FRMD3: variants seen among roughly 807,000 people sequenced by gnomAD.
FRMD3 encodes the protein FERM domain-containing protein 3.
FRMD3 carries 33 observed loss-of-function variants against 70.2 expected under a neutral mutation model. That is an observed-to-expected ratio of 0.47 (90% CI 0.36 to 0.63). FRMD3 has a LOEUF of 0.63. Ranked by LOEUF, FRMD3 falls within the 20% of genes least tolerant of loss-of-function variation. The probability of loss-of-function intolerance (pLI) is 0.00; values close to 1 mark genes in which losing one functional copy is unlikely to be tolerated. For missense variants in FRMD3, 632 were observed against 711.4 expected (o/e 0.89, Z 1.27); for synonymous variants, 279 against 255.9 (o/e 1.09, Z -0.86).
intron 1 of FRMD3, among the ~76,000 whole-genome samples, chr9:83,482,879 C>T (rs1828601756): frequency 6.6e-6 from 1 of 152,206 alleles, no homozygotes; most frequent in South Asian, 2.1e-4. Context: ...CTACACTCTC[C>T]CCCAGGAGCC....
At chr9:83,374,981 AAT>A (rs1825096351) in intron 2 of FRMD3, among the ~76,000 whole-genome samples, 1 of 152,176 alleles carries the variant, frequency 6.6e-6, no homozygotes, top group African/African-American at 2.4e-5. Flanking sequence ...CTGAAATATA[AAT>A]ATGTTTTCCA....
At chr9:83,522,988 G>A (rs1179572659) in intron 1 of FRMD3, among the ~76,000 whole-genome samples, 1 of 152,138 alleles carries the variant, frequency 6.6e-6, no homozygotes, top group Non-Finnish European at 1.5e-5. Context: ...TAACATCCTA[G>A]TATTTTTCTA....
intron 2 of FRMD3, among the ~76,000 whole-genome samples, chr9:83,378,730 T>C (rs1043449140): frequency 1.6e-5 from 2 of 122,466 alleles, no homozygotes; most frequent in Admixed American, 9.5e-5. Context: ...ATATATAATA[T>C]ATATACTTTA....
At chr9:83,441,696 A>G (rs1221885017) in intron 1 of FRMD3, among the ~76,000 whole-genome samples, 1 of 152,190 alleles carries the variant, frequency 6.6e-6, no homozygotes, top group African/African-American at 2.4e-5. Context: ...AGCACCCCCA[A>G]GCATGAAATT....
chr9:83,570,584 C>T, the FRMD3 span, among the ~76,000 whole-genome samples: 2 of 152,038 alleles, frequency 1.3e-5, no homozygotes, highest in South Asian at 2.1e-4. Flanking sequence ...GACTGGAGAC[C>T]GAAAGTAGCA....
At chr9:83,349,163 G>A (rs902638439) in intron 4 of FRMD3, among the ~76,000 whole-genome samples, 1 of 152,190 alleles carries the variant, frequency 6.6e-6, no homozygotes, top group Non-Finnish European at 1.5e-5. Flanking sequence ...AACAGAGGGA[G>A]GTGAGAAGGG....
At chr9:83,308,139 G>A (rs1444325762) in intron 10 of FRMD3, among the ~76,000 whole-genome samples, 3 of 152,106 alleles carry the variant, frequency 2.0e-5, no homozygotes, top group African/African-American at 7.2e-5. Flanking sequence ...GTTTTCCCAG[G>A]GCTGATGGGT....
chr9:83,524,050 CCTGACATGGCAGTG>C (rs1432830590), intron 1 of FRMD3, among the ~76,000 whole-genome samples: 10 of 152,208 alleles, frequency 6.6e-5, no homozygotes, highest in African/African-American at 2.4e-5. Context: ...ACAGAGAGAG[CCTGACATGGCAGTG>C]GCTAGTGCCT....
At chr9:83,484,385 T>C (rs1261225328) in intron 1 of FRMD3, among the ~76,000 whole-genome samples, 2 of 152,194 alleles carry the variant, frequency 1.3e-5, no homozygotes, top group Admixed American at 6.5e-5. Context: ...GAGTCCTACA[T>C]AGACATGGGT....
chr9:83,444,084 A>T (rs963352506), intron 1 of FRMD3, among the ~76,000 whole-genome samples: 1 of 152,260 alleles, frequency 6.6e-6, no homozygotes, highest in African/African-American at 2.4e-5. Context: ...TCTACTTCAC[A>T]CTTAGTGCTG....
chr9:83,311,663 AG>A (rs1308233750), intron 8 of FRMD3, among the ~76,000 whole-genome samples: 2 of 152,136 alleles, frequency 1.3e-5, no homozygotes, highest in African/African-American at 4.8e-5. Context: ...TTCTCTTTGA[AG>A]GCAGAGCCCC....
At chr9:83,404,095 C>T (rs929386124) in intron 1 of FRMD3, among the ~76,000 whole-genome samples, 2 of 151,340 alleles carry the variant, frequency 1.3e-5, no homozygotes, top group African/African-American at 2.4e-5. Context: ...CACACACAAG[C>T]AGGCACGCAC....
chr9:83,507,681 A>T (rs1162263601), intron 1 of FRMD3, among the ~76,000 whole-genome samples: 2 of 79,078 alleles, frequency 2.5e-5, no homozygotes, highest in African/African-American at 5.0e-5. Flanking sequence ...AACAAAAAAA[A>T]ATATACATAC....
At chr9:83,555,796 C>T in the FRMD3 span, among the ~76,000 whole-genome samples, 2 of 152,218 alleles carry the variant, frequency 1.3e-5, no homozygotes, top group Non-Finnish European at 2.9e-5. Flanking sequence ...TCTGCCAAGA[C>T]TCCACATAGC....
At chr9:83,424,348 T>C (rs1411971531) in intron 1 of FRMD3, among the ~76,000 whole-genome samples, 1 of 152,232 alleles carries the variant, frequency 6.6e-6, no homozygotes, top group Non-Finnish European at 1.5e-5. Context: ...TTACACTATG[T>C]GGTTTTCAAA....
At chr9:83,462,006 T>C (rs1827990766) in intron 1 of FRMD3, among the ~76,000 whole-genome samples, 1 of 152,102 alleles carries the variant, frequency 6.6e-6, no homozygotes, top group African/African-American at 2.4e-5. Context: ...TCAAAGATTC[T>C]CTTAGGAATA....
chr9:83,492,139 TCATTCCAGGA>T (rs911337256), intron 1 of FRMD3, among the ~76,000 whole-genome samples: 66 of 152,218 alleles, frequency 4.3e-4, no homozygotes, highest in African/African-American at 1.5e-3. Flanking sequence ...ATGCCATAGG[TCATTCCAGGA>T]CACTTCAGCC....
chr9:83,570,043 G>A, the FRMD3 span, among the ~76,000 whole-genome samples: 1 of 152,154 alleles, frequency 6.6e-6, no homozygotes, highest in Non-Finnish European at 1.5e-5. Flanking sequence ...CAGATTTTCA[G>A]TTTGAGTTTT....
At chr9:83,517,992 A>G (rs1203868022) in intron 1 of FRMD3, among the ~76,000 whole-genome samples, 3 of 152,226 alleles carry the variant, frequency 2.0e-5, no homozygotes, top group Admixed American at 6.5e-5. Flanking sequence ...ATATCTCAAA[A>G]TAATAAGAGC....
Sources: gnomAD v4.1 joint callset for allele counts (sites outside exome capture counted in the v4.1 genomes callset) on GRCh38, gnomAD v4.1.1 for gene constraint, MANE v1.5 for transcripts, NCBI Gene and HGNC (gene_info 2026-07-23, HGNC 2026-07-21) for gene names.